RBMS3: variants seen among roughly 807,000 people sequenced by gnomAD.
The protein encoded by RBMS3 is RNA binding motif single stranded interacting protein 3.
A neutral mutation model predicts 66.8 loss-of-function variants in RBMS3; 27 were observed. The ratio of observed to expected loss-of-function variants is 0.40; its 90% CI spans 0.30 to 0.56. The LOEUF (loss-of-function observed/expected upper bound fraction) is 0.56. Among genes scored for constraint, RBMS3 ranks in the 20% least tolerant of loss-of-function variants. RBMS3 has a pLI of 0.40. For synonymous variants in RBMS3, 188 were observed against 183.0 expected (o/e 1.03, Z -0.22); for missense variants, 513 against 549.5 (o/e 0.93, Z 0.66).
chr3:29,427,805 C>T lies in RBMS3; in HGVS notation c.76-6938C>T, dbSNP rs543381260. Among the ~76,000 whole-genome samples, 10 of 152,204 alleles carry T rather than the reference C, an allele frequency of 6.6e-5. No individual in the cohort carries two copies. In the South Asian group the frequency reaches 8.3e-4, roughly 13 times the overall value. On this transcript the variant is annotated intron_variant, in intron 1 of 14. Transcript: ENST00000383767. The stretch of plus-strand genomic sequence containing the variant: ...GGAGTCCAGAGCTACTCCAAAACCA[C>T]CAGACCAACTGCCTCAGGATCCTGC...
At position 30,008,531 on chromosome 3, in the gene RBMS3, T is replaced by C. The variant is rs1699867554; in HGVS notation, c.*4669T>C. 6.6e-6 allele frequency: 1 copy of C among 152,096 alleles called. No homozygotes were observed. Among genetic ancestry groups the C allele is most frequent in the African/African-American group, 2.4e-5 (1 of 41,438 alleles). The allele number at this position is 152,096 out of a possible 1,614,324, so 9.4% of individuals were successfully genotyped here. A position where few individuals can be genotyped will look rare whatever the true frequency, so the allele number is the denominator to read the frequency against. On this transcript the variant is annotated 3_prime_UTR_variant, in exon 15 of 15. Coordinates refer to ENST00000383767, the MANE Select transcript of RBMS3 (RefSeq NM_001003793.3). ...TCAGTAAAAAGTGAAGGATGAGATT[T>C]TGTCTTTCATGTTATTGTAGCTGGC... is the stretch of plus-strand genomic sequence containing the variant.
chr3:29,807,016 C>T (rs898911654), intron 6 of RBMS3, among the ~76,000 whole-genome samples: 1 of 151,808 alleles, frequency 6.6e-6, no homozygotes, highest in African/African-American at 2.4e-5. Flanking sequence ...TGACTATATG[C>T]ATTATTAATC....
intron 12 of RBMS3, among the ~76,000 whole-genome samples, chr3:29,981,110 G>T (rs1202731855): frequency 6.6e-6 from 1 of 152,010 alleles, no homozygotes; most frequent in Non-Finnish European, 1.5e-5. Flanking sequence ...TTATTTCCTT[G>T]AGCAGTGGTT....
At chr3:29,604,129 T>G (rs2048241670) in intron 4 of RBMS3, among the ~76,000 whole-genome samples, 1 of 151,970 alleles carries the variant, frequency 6.6e-6, no homozygotes, top group African/African-American at 2.4e-5. Context: ...AGAAACGCTA[T>G]TTTGGAATAA....
intron 2 of RBMS3, among the ~76,000 whole-genome samples, chr3:29,438,051 T>C (rs2041470651): frequency 6.6e-6 from 1 of 151,860 alleles, no homozygotes; most frequent in Non-Finnish European, 1.5e-5. Flanking sequence ...TCTCTCTCTC[T>C]CTCTCTCTCT....
intron 1 of RBMS3, among the ~76,000 whole-genome samples, chr3:29,360,450 G>T (rs1253076494): frequency 6.6e-6 from 1 of 151,982 alleles, no homozygotes; most frequent in Non-Finnish European, 1.5e-5. Flanking sequence ...ATTTGCTGAG[G>T]AATGCTTTAC....
intron 9 of RBMS3, 151 bp from the exon 10 acceptor site, chr3:29,899,554 G>T (rs779366560): frequency 6.4e-5 from 37 of 578,544 alleles, no homozygotes; most frequent in Non-Finnish European, 9.5e-5. Context: ...TCAAGTCCAA[G>T]AATTCCCTTT....
chr3:29,849,170 ATGTGTGTGTGTGTGTGTGTGTGTGTG>A (rs10571760), intron 6 of RBMS3, among the ~76,000 whole-genome samples: 5 of 141,676 alleles, frequency 3.5e-5, no homozygotes, highest in African/African-American at 1.1e-4. Flanking sequence ...CACCAAAGGA[ATGTGTGTGTGTGTGTGTGTGTGTGTG>A]TGTGTGTGTG....
intron 4 of RBMS3, among the ~76,000 whole-genome samples, chr3:29,691,975 A>C (rs895940123): frequency 1.1e-4 from 3 of 28,422 alleles, no homozygotes; most frequent in African/African-American, 4.4e-4. Context: ...TTTGAGATGG[A>C]GTATCCCTCT....
chr3:29,814,306 C>A (rs1179196357), intron 6 of RBMS3, among the ~76,000 whole-genome samples: 3 of 152,124 alleles, frequency 2.0e-5, no homozygotes, highest in Admixed American at 2.0e-4. Flanking sequence ...TGTATTGAAC[C>A]AGCCTTGCAT....
intron 4 of RBMS3, among the ~76,000 whole-genome samples, chr3:29,661,391 A>G (rs11715550): frequency 0.12 from 18,529 of 152,174 alleles, 1,219 homozygotes; most frequent in Middle Eastern, 0.23. Flanking sequence ...TGCTAAAGAA[A>G]AGACTAGAGA....
chr3:29,683,045 G>C (rs1258819192), intron 4 of RBMS3, among the ~76,000 whole-genome samples: 1 of 152,194 alleles, frequency 6.6e-6, no homozygotes, highest in Non-Finnish European at 1.5e-5. Flanking sequence ...TACTGGGTCA[G>C]TCAAGATTAT....
At chr3:29,714,336 C>T (rs1195852391) in intron 4 of RBMS3, among the ~76,000 whole-genome samples, 3 of 152,132 alleles carry the variant, frequency 2.0e-5, no homozygotes, top group Non-Finnish European at 4.4e-5. Flanking sequence ...AGGATGACTT[C>T]AAGTTTTGTG....
At chr3:29,957,042 CTT>C (rs1031036917) in intron 12 of RBMS3, among the ~76,000 whole-genome samples, 19 of 152,072 alleles carry the variant, frequency 1.2e-4, no homozygotes, top group African/African-American at 4.6e-4. Context: ...TTCCTTTACT[CTT>C]CAACCTGCTA....
At chr3:29,592,942 G>A (rs1158877921) in intron 4 of RBMS3, among the ~76,000 whole-genome samples, 4 of 148,838 alleles carry the variant, frequency 2.7e-5, no homozygotes, top group Admixed American at 2.0e-4. Flanking sequence ...CTCACTCATA[G>A]GTGGGAATTG....
At chr3:29,333,165 A>G (rs1410275961) in intron 1 of RBMS3, among the ~76,000 whole-genome samples, 1 of 152,162 alleles carries the variant, frequency 6.6e-6, no homozygotes, top group African/African-American at 2.4e-5. Context: ...TTACTTTTAT[A>G]TCAGAGAGAA....
chr3:29,459,311 G>A (rs17023616), intron 2 of RBMS3, among the ~76,000 whole-genome samples: 2 of 152,182 alleles, frequency 1.3e-5, no homozygotes, highest in South Asian at 4.1e-4. Context: ...TAGAGGTAAG[G>A]GTTCTCTTCA....
chr3:29,311,608 T>C (rs1004338206), intron 1 of RBMS3, among the ~76,000 whole-genome samples: 3 of 151,838 alleles, frequency 2.0e-5, no homozygotes, highest in African/African-American at 7.2e-5. Context: ...GTTTACTATT[T>C]AATTCACGTA....
chr3:29,416,300 C>G (rs1031334282), intron 1 of RBMS3, among the ~76,000 whole-genome samples: 8 of 152,024 alleles, frequency 5.3e-5, no homozygotes, highest in Non-Finnish European at 1.0e-4. Context: ...TTTAGGGTCC[C>G]TCCTTTTCCC....
Sources: gnomAD v4.1 joint callset for allele counts (sites outside exome capture counted in the v4.1 genomes callset) on GRCh38, gnomAD v4.1.1 for gene constraint, MANE v1.5 for transcripts, NCBI Gene and HGNC (gene_info 2026-07-23, HGNC 2026-07-21) for gene names.